Variants in ITPR2 observed in about 807,000 individuals in gnomAD.
ITPR2 encodes inositol 1,4,5-trisphosphate receptor type 2.
A neutral mutation model predicts 317.1 loss-of-function variants in ITPR2; 207 were observed. The ratio of observed to expected loss-of-function variants is 0.65; its 90% CI spans 0.58 to 0.73. The LOEUF is 0.73. Among genes scored for constraint, ITPR2 ranks in the 30% least tolerant of loss-of-function variants. The pLI is 0.00. For missense variants in ITPR2, 2,613 were observed against 3,284.0 expected (o/e 0.80, Z 4.99); for synonymous variants, 1,156 against 1,149.1 (o/e 1.01, Z -0.12).
chr12:26,652,287 T>C (rs4964011), intron 21 of ITPR2, among the ~76,000 whole-genome samples: 26,327 of 152,210 alleles, frequency 0.17, 3,024 homozygotes, highest in Non-Finnish European at 0.25. Context: ...CTTCTAGTTA[T>C]GCTGAAGGTG....
chr12:26,484,111 AC>A (rs1285786162), intron 41 of ITPR2, among the ~76,000 whole-genome samples: 1 of 151,638 alleles, frequency 6.6e-6, no homozygotes, highest in East Asian at 1.9e-4. Context: ...ATATATGTAT[AC>A]ATGTACATAT....
intron 55 of ITPR2, among the ~76,000 whole-genome samples, chr12:26,342,643 G>C (rs941765798): frequency 3.3e-5 from 5 of 151,804 alleles, no homozygotes; most frequent in Admixed American, 6.6e-5. Flanking sequence ...TTTCACTCTT[G>C]TTGTTGTCCA....
In ITPR2 at chr12:26,686,629, C is replaced by T. The variant is rs1234767915; in HGVS notation, c.1000G>A (p.Asp334Asn). 3.1e-6 allele frequency: 5 copies of T among 1,604,170 alleles called. No homozygotes were observed. In the South Asian group the frequency reaches 3.4e-5, roughly 11 times the overall value. The part of the protein sequence containing the change: ...DAQNEGKNVR[D>N]GVPPTSKKKR... ...TTCTTTGAAGTTGGAGGGACTCCATCTCTCTGTTGAGGAAGTACAAGTTTA... is the reference window on the plus strand; with the variant it reads ...TTCTTTGAAGTTGGAGGGACTCCATTTCTCTGTTGAGGAAGTACAAGTTTA... Residue 334 changes from aspartate to asparagine, a missense_variant, in exon 11 of 57, where the codon GAT becomes AAT. By Grantham distance (23) the Asp-to-Asn change is conservative. Coordinates refer to ENST00000381340, the MANE Select transcript of ITPR2 (RefSeq NM_002223.4).
intron 15 of ITPR2, among the ~76,000 whole-genome samples, chr12:26,660,430 TCCCCCTTC>T (rs962683082): frequency 6.6e-6 from 1 of 152,206 alleles, no homozygotes; most frequent in Non-Finnish European, 1.5e-5. Context: ...GGTGAGCTTC[TCCCCCTTC>T]CACCATGAAA....
At position 26,800,293 on chromosome 12, in the gene ITPR2, T is replaced by C. The variant is rs1251292963; in HGVS notation, c.93-10066A>G. 7.9e-5 allele frequency among the ~76,000 whole-genome samples: 12 copies of C among 152,144 alleles called. No homozygotes were observed. The East Asian group carries it at 2.1e-3, about 27-fold the overall frequency. ...AGATTAAATTCAAAGAAATATGAAC[T>C]CAAATATTTTAAAAATTACTAATAA... On this transcript the variant is annotated intron_variant, in intron 1 of 56. Transcript: ENST00000381340.
intron 22 of ITPR2, 71 bp downstream of exon 22, chr12:26,631,794 CA>C (rs1946757641): frequency 7.4e-7 from 1 of 1,350,576 alleles, no homozygotes; most frequent in Non-Finnish European, 1.0e-6. Context: ...TGATTTGGAA[CA>C]AAAAGGGTAA....
At chr12:26,652,965 G>T (rs777774055) in intron 21 of ITPR2, among the ~76,000 whole-genome samples, 21 of 152,234 alleles carry the variant, frequency 1.4e-4, no homozygotes, top group African/African-American at 3.6e-4. Context: ...GACAGGCACT[G>T]TTGAAAGTCC....
intron 26 of ITPR2, among the ~76,000 whole-genome samples, chr12:26,612,694 C>T (rs986067419): frequency 3.9e-5 from 6 of 152,284 alleles, no homozygotes; most frequent in South Asian, 4.1e-4. Flanking sequence ...CACCTGAATT[C>T]GTACAACAGC....
At chr12:26,415,955 T>C (rs1272654194) in intron 50 of ITPR2, among the ~76,000 whole-genome samples, 1 of 152,186 alleles carries the variant, frequency 6.6e-6, no homozygotes, top group Non-Finnish European at 1.5e-5. Flanking sequence ...AATTGACAAA[T>C]TCATTAAATG....
chr12:26,475,059 TCC>T (rs1048150210), intron 45 of ITPR2, among the ~76,000 whole-genome samples: 4 of 152,178 alleles, frequency 2.6e-5, no homozygotes, highest in Non-Finnish European at 4.4e-5. Flanking sequence ...GAATGTCTCC[TCC>T]CTTCTGGTCC....
At chr12:26,559,489 T>C (rs1944754472) in intron 35 of ITPR2, among the ~76,000 whole-genome samples, 1 of 152,184 alleles carries the variant, frequency 6.6e-6, no homozygotes, top group African/African-American at 2.4e-5. Flanking sequence ...AAGGGCTGAA[T>C]GAGCTTGCAC....
chr12:26,680,816 T>C (rs1308730647), intron 13 of ITPR2, among the ~76,000 whole-genome samples: 1 of 152,214 alleles, frequency 6.6e-6, no homozygotes, highest in African/African-American at 2.4e-5. Context: ...CAAACAAAGC[T>C]GAACATTCTT....
intron 2 of ITPR2, among the ~76,000 whole-genome samples, chr12:26,739,446 A>G (rs1949192385): frequency 6.6e-6 from 1 of 152,250 alleles, no homozygotes; most frequent in African/African-American, 2.4e-5. Flanking sequence ...CATACAATAG[A>G]ATACTACTAC....
At chr12:26,589,847 TATATATACAC>T (rs1945650786) in intron 32 of ITPR2, among the ~76,000 whole-genome samples, 6 of 36,088 alleles carry the variant, frequency 1.7e-4, no homozygotes, top group African/African-American at 6.0e-4. Context: ...TATATATATA[TATATATACAC>T]ACACACACAC....
At chr12:26,453,390 T>A (rs550911565) in intron 45 of ITPR2, among the ~76,000 whole-genome samples, 1 of 152,348 alleles carries the variant, frequency 6.6e-6, no homozygotes, top group South Asian at 2.1e-4. Flanking sequence ...ATTATTGTAG[T>A]GTCCTAGTCA....
chr12:26,510,504 T>G (rs1479853106), intron 37 of ITPR2, among the ~76,000 whole-genome samples: 6 of 151,920 alleles, frequency 3.9e-5, no homozygotes, highest in Admixed American at 3.9e-4. Context: ...GAAGGAGGAG[T>G]GAGAAGATCA....
chr12:26,453,190 C>T (rs909840792), intron 45 of ITPR2, among the ~76,000 whole-genome samples: 5 of 152,132 alleles, frequency 3.3e-5, no homozygotes, highest in African/African-American at 9.6e-5. Context: ...ATTACTTTAA[C>T]GGAAAATGCT....
At chr12:26,445,808 G>A (rs1941598676) in intron 45 of ITPR2, among the ~76,000 whole-genome samples, 1 of 152,136 alleles carries the variant, frequency 6.6e-6, no homozygotes, top group Non-Finnish European at 1.5e-5. Context: ...AGGTGTAAGG[G>A]AGACCCAAGA....
At chr12:26,771,067 C>T (rs1469439819) in intron 2 of ITPR2, among the ~76,000 whole-genome samples, 1 of 152,172 alleles carries the variant, frequency 6.6e-6, no homozygotes, top group African/African-American at 2.4e-5. Context: ...AGATTTAGGA[C>T]CCACCTGGGT....
Sources: gnomAD v4.1 joint callset for allele counts (sites outside exome capture counted in the v4.1 genomes callset) on GRCh38, gnomAD v4.1.1 for gene constraint, MANE v1.5 for transcripts, NCBI Gene and HGNC (gene_info 2026-07-23, HGNC 2026-07-21) for gene names.